PCDHA3: variants seen among roughly 807,000 people sequenced by gnomAD.
The protein encoded by PCDHA3 is protocadherin alpha-3.
In PCDHA3, 41 loss-of-function variants were observed where a neutral mutation model predicts 62.2. The ratio of observed to expected loss-of-function variants is 0.66; its 90% confidence interval spans 0.51 to 0.86. PCDHA3 has a LOEUF of 0.86. Ranked by LOEUF, PCDHA3 falls within the 40% of genes least tolerant of loss-of-function variation. PCDHA3 has a pLI of 0.00. For synonymous variants in PCDHA3, 640 were observed against 555.4 expected (o/e 1.15, Z -2.14); for missense variants, 1,304 against 1,241.2 (o/e 1.05, Z -0.76).
chr5:141,000,421 A>T (rs4912737), intron 3 of PCDHA3, among the ~76,000 whole-genome samples: 2,503 of 28,048 alleles, frequency 0.089, 337 homozygotes, highest in East Asian at 0.098. Flanking sequence ...ATATATATAT[A>T]TTTTTTTTTT....
At chr5:140,996,098 A>G (rs1173929406) in intron 3 of PCDHA3, among the ~76,000 whole-genome samples, 1 of 152,214 alleles carries the variant, frequency 6.6e-6, no homozygotes, top group Non-Finnish European at 1.5e-5. Context: ...ATTACATGGA[A>G]TGGTATGGAA....
intron 1 of PCDHA3, chr5:140,884,560 G>A: frequency 6.2e-7 from 1 of 1,614,132 alleles, no homozygotes; most frequent in African/African-American, 1.3e-5. Context: ...GGGAGGGCCC[G>A]CATAAGACGG....
chr5:140,882,218 G>A, intron 1 of PCDHA3: 5 of 1,545,760 alleles, frequency 3.2e-6, no homozygotes, highest in Non-Finnish European at 4.4e-6. Flanking sequence ...GACAGTTTGA[G>A]GTAAGGCGTT....
At position 140,848,972 on chromosome 5, in the gene PCDHA3, T is replaced by C. The variant is rs17844324; in HGVS notation, c.2394+45381T>C. ...GGTTTCCACTAGAGGGCGCGTCCGA[T>C]GCAGATATCGGGGAGAACGCCCTGC... On this transcript the variant is annotated intron_variant, in intron 1 of 3. Coordinates refer to ENST00000522353, the MANE Select transcript of PCDHA3 (RefSeq NM_018906.3). The C allele has an allele frequency of 2.8e-5, 45 of 1,601,076 alleles. 3 individuals are homozygous for C. In the East Asian group the frequency reaches 9.8e-4, roughly 35 times the overall value.
intron 1 of PCDHA3, among the ~76,000 whole-genome samples, chr5:140,872,710 A>G (rs563009592): frequency 6.5e-4 from 99 of 152,384 alleles, no homozygotes; most frequent in African/African-American, 1.9e-3. Flanking sequence ...AAAGGAAACT[A>G]GGTAAATAAA....
At chr5:140,823,665 C>A (rs782647575) in intron 1 of PCDHA3, 3 of 1,614,048 alleles carry the variant, frequency 1.9e-6, no homozygotes, top group Non-Finnish European at 2.5e-6. Flanking sequence ...CAGGCGAGAT[C>A]AGCACAACAC....
chr5:140,871,610 T>C (rs2053222652), intron 1 of PCDHA3: 1 of 1,429,404 alleles, frequency 7.0e-7, no homozygotes, highest in South Asian at 1.5e-5. Context: ...GTTTTGAATA[T>C]TGTTTTAGAT....
intron 1 of PCDHA3, chr5:140,969,336 GA>G: frequency 2.5e-6 from 4 of 1,613,996 alleles, no homozygotes; most frequent in Non-Finnish European, 3.4e-6. Context: ...AATGAGGTGA[GA>G]CAGTGGTCAG....
At chr5:140,906,924 T>G (rs1244538728) in intron 1 of PCDHA3, among the ~76,000 whole-genome samples, 1 of 152,226 alleles carries the variant, frequency 6.6e-6, no homozygotes, top group African/African-American at 2.4e-5. Flanking sequence ...GCCCAAAAAG[T>G]GTCCCGGTGT....
rs1554124059 is a variant in PCDHA3 at position 140,807,509 on chromosome 5, G to T, written c.2394+3918G>T. ...CGCGGAGTGCAGCATCCACCTGGAG[G>T]TGATCGTAGACAGGCCGCTGCAGGT... On this transcript the variant is annotated intron_variant, in intron 1 of 3. Transcript: ENST00000522353. 2.5e-6 allele frequency: 4 copies of T among 1,613,908 alleles called. No homozygotes were observed. The Admixed American group carries it at 5.0e-5, about 20-fold the overall frequency.
At chr5:140,861,457 A>T (rs2046932948) in intron 1 of PCDHA3, 1 of 493,524 alleles carries the variant, frequency 2.0e-6, no homozygotes, top group African/African-American at 2.0e-5. Flanking sequence ...AACCTTCTGG[A>T]GGTAAATCTG....
chr5:140,827,336 A>G lies in PCDHA3; in HGVS notation c.2394+23745A>G, dbSNP rs2150147176. On this transcript the variant is annotated intron_variant, in intron 1 of 3. Coordinates refer to ENST00000522353, the MANE Select transcript of PCDHA3 (RefSeq NM_018906.3). ...AATTCCACTAGAATTTGAAGTGGTG[A>G]AGTATATGAAAAGAAAATATTTTAA... Among the ~76,000 whole-genome samples the G allele has an allele frequency of 1.1e-4, 16 of 152,330 alleles. No homozygotes were observed. The South Asian group carries it at 2.3e-3, about 22-fold the overall frequency.
chr5:140,941,214 C>CCTTTCTTT lies in PCDHA3; in HGVS notation c.2395-37700_2395-37693dup, dbSNP rs60032403. On this transcript the variant is annotated intron_variant, in intron 1 of 3. Coordinates refer to ENST00000522353, the MANE Select transcript of PCDHA3 (RefSeq NM_018906.3). ...TTTTTTCTTTCTTCCTTTCTTTCTTCCTTTCTTTCTTTCTTTCTTTCTTTC... is the reference window on the plus strand; with the variant it reads ...TTTTTTCTTTCTTCCTTTCTTTCTTCCTTTCTTTCTTTCTTTCTTTCTTTCTTTCTTTC... Among the ~76,000 whole-genome samples, 464 of 122,456 alleles carry CCTTTCTTT rather than the reference C, an allele frequency of 3.8e-3. 7 individuals are homozygous for CCTTTCTTT. The highest frequency in any genetic ancestry group is 0.025 in the Middle Eastern group (6 of 238). 80.3% of individuals were successfully genotyped at this position (122,456 alleles called of 152,430 possible).
intron 1 of PCDHA3, among the ~76,000 whole-genome samples, chr5:140,846,033 A>T (rs1301242129): frequency 6.7e-6 from 1 of 149,692 alleles, no homozygotes; most frequent in East Asian, 1.9e-4. Flanking sequence ...GAGTTTAGGA[A>T]AGTCAAGTTA....
At chr5:140,995,515 C>T (rs1476035141) in intron 3 of PCDHA3, among the ~76,000 whole-genome samples, 2 of 152,078 alleles carry the variant, frequency 1.3e-5, no homozygotes, top group East Asian at 1.9e-4. Context: ...TAACTGAAGC[C>T]TCAGAAATCA....
At chr5:140,928,134 G>T in intron 1 of PCDHA3, 1 of 1,614,180 alleles carries the variant, frequency 6.2e-7, no homozygotes, top group Non-Finnish European at 8.5e-7. Flanking sequence ...ACCAAGTCCT[G>T]ATCACGGCCT....
At chr5:140,891,722 T>C (rs534881594) in intron 1 of PCDHA3, among the ~76,000 whole-genome samples, 1 of 152,292 alleles carries the variant, frequency 6.6e-6, no homozygotes, top group East Asian at 1.9e-4. Flanking sequence ...CAAATTCATG[T>C]GTTGAAAATT....
intron 1 of PCDHA3, chr5:140,852,695 T>G: frequency 1.0e-6 from 1 of 976,386 alleles, no homozygotes; most frequent in Non-Finnish European, 1.2e-6. Context: ...GTCTTATACT[T>G]TCAAGTATCT....
rs1554231011 is a variant in PCDHA3 at position 140,968,738 on chromosome 5, C to G, written c.2395-10211C>G. 10 of 1,614,040 alleles carry G rather than the reference C, an allele frequency of 6.2e-6. No individual in the cohort carries two copies. The Admixed American group carries it at 6.7e-5, about 11-fold the overall frequency. On this transcript the variant is annotated intron_variant, in intron 1 of 3. Transcript: ENST00000522353. ...AGATGAGAGTGGTAGCACTTTCAAC[C>G]TGACCGTGGTGGTCCGAGATAATGG...
Sources: allele counts gnomAD v4.1 joint callset (sites outside exome capture counted in the v4.1 genomes callset), GRCh38; gene constraint gnomAD v4.1.1; transcripts MANE v1.5; gene names NCBI Gene and HGNC (gene_info 2026-07-23, HGNC 2026-07-21).